The following IPO5 variants were observed in gnomAD, a reference collection of about 807,000 sequenced individuals.
The protein encoded by IPO5 is importin 5.
Under a neutral mutation model 143.3 loss-of-function variants are expected in IPO5, and 18 were observed. The observed-to-expected ratio is 0.13, with a 90% confidence interval of 0.09 to 0.19. IPO5 has a LOEUF of 0.19. Ranked by LOEUF, IPO5 falls within the 10% of genes least tolerant of loss-of-function variation. The pLI is 1.00. For synonymous variants in IPO5, 477 were observed against 465.7 expected (o/e 1.02, Z -0.31); for missense variants, 1,013 against 1,336.9 (o/e 0.76, Z 3.78).
intron 11 of IPO5, among the ~76,000 whole-genome samples, chr13:97,996,249 C>T (rs1446387503): frequency 1.3e-5 from 2 of 152,042 alleles, no homozygotes; most frequent in African/African-American, 4.8e-5. Context: ...TAGGGTTTTA[C>T]CATGTTGCCC....
chr13:98,021,544 A>C, intron 28 of IPO5, 192 bp from the exon 29 acceptor site: 1 of 416,178 alleles, frequency 2.4e-6, no homozygotes, highest in Non-Finnish European at 4.3e-6. Flanking sequence ...TGCAAAAATG[A>C]AGAAAACTTA....
chr13:98,004,215 A>T (rs1020591262), intron 16 of IPO5, among the ~76,000 whole-genome samples: 1 of 152,228 alleles, frequency 6.6e-6, no homozygotes, highest in African/African-American at 2.4e-5. Flanking sequence ...CCTATACTTA[A>T]TATGAACTGG....
At chr13:97,996,509 G>A (rs1888302067) in intron 11 of IPO5, among the ~76,000 whole-genome samples, 1 of 152,114 alleles carries the variant, frequency 6.6e-6, no homozygotes, top group African/African-American at 2.4e-5. Flanking sequence ...CACCCCCAGG[G>A]CACTTCACAC....
chr13:98,001,235 A>G (rs1283799428), intron 13 of IPO5, among the ~76,000 whole-genome samples: 1 of 152,194 alleles, frequency 6.6e-6, no homozygotes, highest in African/African-American at 2.4e-5. Context: ...ATATATATCA[A>G]TCCCAAAGTT....
chr13:98,009,290 C>T (rs892493132), intron 18 of IPO5, among the ~76,000 whole-genome samples: 4 of 152,140 alleles, frequency 2.6e-5, no homozygotes, highest in Non-Finnish European at 5.9e-5. Context: ...TTCTAGGTTG[C>T]AGGGGTGGTG....
chr13:98,015,636 G>T lies in IPO5; in HGVS notation c.2432G>T (p.Arg811Leu). The T allele has an allele frequency of 6.2e-7, 1 of 1,600,148 alleles. No homozygotes were observed. The highest frequency in any genetic ancestry group is 1.1e-5 in the South Asian group (1 of 89,932). ...GAACATTTTAAAAATCAAGAATTAC[G>T]ACAAGGTAAGTTTTCCATGCTTTTA... ...LEEHFKNQEL[R>L]QVKRQDEDYD... The change falls in exon 23 of 29, where the codon CGA becomes CTA. Residue 811 changes from arginine (R) to leucine (L), a missense_variant. Coordinates refer to ENST00000651721, the MANE Select transcript of IPO5 (RefSeq NM_002271.6).
chr13:97,996,178 T>C (rs996169658), intron 11 of IPO5, among the ~76,000 whole-genome samples: 5 of 152,050 alleles, frequency 3.3e-5, no homozygotes, highest in Admixed American at 1.3e-4. Flanking sequence ...GCCTCCCAAG[T>C]AGCTGGGACT....
intron 3 of IPO5, among the ~76,000 whole-genome samples, chr13:97,976,274 A>G (rs1886292718): frequency 6.8e-6 from 1 of 147,912 alleles, no homozygotes; most frequent in South Asian, 2.2e-4. Context: ...GCCCCAGCCC[A>G]GGCCTCGACC....
chr13:98,010,803 T>C lies in IPO5; in HGVS notation c.2055+579T>C. On this transcript the variant is annotated intron_variant, in intron 20 of 28. Transcript: ENST00000651721. Reference sequence around the variant, plus strand: ...TCCTTTTTTTTTTTTTTTTTTGAGGTGGAGTCTCTCTTTTTCACCCAGGCT... The same window carrying C: ...TCCTTTTTTTTTTTTTTTTTTGAGGCGGAGTCTCTCTTTTTCACCCAGGCT... Among the ~76,000 whole-genome samples, 4 of 138,132 alleles carry C rather than the reference T, an allele frequency of 2.9e-5. 1 individual carries two copies. In the Middle Eastern group the frequency reaches 0.015, roughly 504 times the overall value. 90.6% of individuals were successfully genotyped at this position (138,132 alleles called of 152,430 possible). A position where few individuals can be genotyped will look rare whatever the true frequency, so the allele number is the denominator to read the frequency against.
chr13:97,985,468 A>G lies in IPO5; in HGVS notation c.219A>G (p.Ala73=). Residue 73 remains alanine (A), a synonymous_variant, in exon 6 of 29, where the codon GCA becomes GCG. Transcript: ENST00000651721. ...AVLLRRLLSS[A]FDEVYPALPS... is the part of the protein sequence containing the mutation. ...TCCTAAGACGTCTCTTGTCCTCTGC[A>G]TTTGATGAAGTCTATCCAGCACTTC... The G allele has an allele frequency of 1.2e-6, 2 of 1,614,172 alleles. No homozygotes were observed. Among genetic ancestry groups the G allele is most frequent in the African/African-American group, 2.7e-5 (2 of 75,028 alleles).
At chr13:98,011,410 C>G (rs1304234564) in intron 20 of IPO5, among the ~76,000 whole-genome samples, 1 of 152,130 alleles carries the variant, frequency 6.6e-6, no homozygotes, top group Non-Finnish European at 1.5e-5. Flanking sequence ...CCTGCCTTAA[C>G]CTCCCGAGTA....
At chr13:97,976,310 C>T (rs1374321410) in intron 3 of IPO5, among the ~76,000 whole-genome samples, 3 of 151,640 alleles carry the variant, frequency 2.0e-5, no homozygotes, top group Non-Finnish European at 4.4e-5. Flanking sequence ...ACCCCGACCC[C>T]GATCCCAGCC....
intron 5 of IPO5, among the ~76,000 whole-genome samples, chr13:97,983,800 T>G (rs1887066848): frequency 6.6e-6 from 1 of 151,962 alleles, no homozygotes; most frequent in South Asian, 2.1e-4. Context: ...TCAGTCAGTT[T>G]AGACTAGCAA....
At chr13:97,982,131 A>G (rs1886900069) in intron 4 of IPO5, 1 of 178,162 alleles carries the variant, frequency 5.6e-6, no homozygotes, top group Non-Finnish European at 1.2e-5. Context: ...TTAACGAAAC[A>G]GTTTCTCATG....
intron 2 of IPO5, among the ~76,000 whole-genome samples, chr13:97,954,420 A>AT (rs919311812): frequency 6.6e-6 from 1 of 152,168 alleles, no homozygotes; most frequent in Non-Finnish European, 1.5e-5. Flanking sequence ...AAGCAGTATG[A>AT]TTTTCACTGC....
chr13:97,973,250 G>A (rs1399823485), intron 3 of IPO5, among the ~76,000 whole-genome samples: 2 of 151,888 alleles, frequency 1.3e-5, no homozygotes, highest in African/African-American at 4.8e-5. Context: ...GTCTCGCCCT[G>A]TTGGCCAGGC....
Position 98,017,982 on chromosome 13 carries a change from A to T in IPO5, c.2617-503A>T, listed in dbSNP as rs142521820. 4.5e-4 allele frequency among the ~76,000 whole-genome samples: 68 copies of T among 152,250 alleles called. 1 individual carries two copies. The East Asian group carries it at 0.013, about 28-fold the overall frequency. On this transcript the variant is annotated intron_variant, in intron 25 of 28. Transcript: ENST00000651721. ...TCGCCTGGCTGTGTATTCGGTTTTT[A>T]AAAAATATATTATAAATTAGCAGCT...
chr13:97,976,774 GA>G lies in IPO5; in HGVS notation c.81del (p.Lys27AsnfsTer40). ...TGCTCAGCCCCGACAATGTGGTCCG[GA>G]AACAGGCAGAGGTAACCGAGTTCGC... ...NLLSPDNVVR[K>X]QAEETYENIP... On this transcript the variant is annotated frameshift_variant, in exon 4 of 29. Transcript: ENST00000651721. LOFTEE classifies it high-confidence loss of function. 3 of 1,392,256 alleles carry G rather than the reference GA, an allele frequency of 2.2e-6. No individual in the cohort carries two copies. Among genetic ancestry groups the G allele is most frequent in the East Asian group, 3.9e-5 (1 of 25,638 alleles). 86.2% of individuals were successfully genotyped at this position (1,392,256 alleles called of 1,614,324 possible). A position where few individuals can be genotyped will look rare whatever the true frequency, so the allele number is the denominator to read the frequency against.
At chr13:97,960,840 TG>T (rs1740742866) in intron 2 of IPO5, among the ~76,000 whole-genome samples, 1 of 152,210 alleles carries the variant, frequency 6.6e-6, no homozygotes, top group South Asian at 2.1e-4. Flanking sequence ...ATTACAGGCA[TG>T]AGCCACCTCA....
Sources: gnomAD v4.1 joint callset for allele counts (sites outside exome capture counted in the v4.1 genomes callset) on GRCh38, gnomAD v4.1.1 for gene constraint, MANE v1.5 for transcripts, NCBI Gene and HGNC (gene_info 2026-07-23, HGNC 2026-07-21) for gene names.